Variants in EPHA5 observed in about 807,000 individuals in gnomAD.
EPHA5 encodes the protein EPH receptor A5.
Under a neutral mutation model 105.0 loss-of-function variants are expected in EPHA5, and 60 were observed. That is an observed-to-expected ratio of 0.57 (90% CI 0.46 to 0.71). The LOEUF is 0.71. Ranked by LOEUF, EPHA5 falls within the 30% of genes least tolerant of loss-of-function variation. The probability of loss-of-function intolerance (pLI) is 0.00; values close to 1 mark genes in which losing one functional copy is unlikely to be tolerated. For synonymous variants in EPHA5, 513 were observed against 449.1 expected (o/e 1.14, Z -1.80); for missense variants, 1,218 against 1,274.7 (o/e 0.96, Z 0.68).
rs529370416 is a variant in EPHA5, at chr4:65,376,909, T to C, written c.1794-9485A>G. 22 of 1,204,226 alleles carry C rather than the reference T, an allele frequency of 1.8e-5. No individual in the cohort carries two copies. In the South Asian group the frequency reaches 2.2e-4, roughly 12 times the overall value. The allele number at this position is 1,204,226 out of a possible 1,614,324, so 74.6% of individuals were successfully genotyped here. On this transcript the variant is annotated intron_variant, in intron 8 of 16. Coordinates refer to ENST00000613740, the MANE Select transcript of EPHA5 (RefSeq NM_001281766.3). ...GGGAGCCAGTTTTATTCTACTCAAA[T>C]GTACACAAATGGAGAAAGAAAAGGA...
At chr4:65,477,633 C>T (rs1054983006) in intron 5 of EPHA5, among the ~76,000 whole-genome samples, 2 of 151,932 alleles carry the variant, frequency 1.3e-5, no homozygotes, top group Non-Finnish European at 2.9e-5. Context: ...AGGATGGTCT[C>T]GATCTCTTGA....
At chr4:65,526,482 G>GTCT (rs1204253123) in intron 3 of EPHA5, among the ~76,000 whole-genome samples, 1 of 151,546 alleles carries the variant, frequency 6.6e-6, no homozygotes, top group East Asian at 1.9e-4. Context: ...TGATTTCATT[G>GTCT]AATTATCATG....
intron 5 of EPHA5, among the ~76,000 whole-genome samples, chr4:65,465,087 G>T (rs1023541515): frequency 1.3e-5 from 2 of 152,016 alleles, no homozygotes; most frequent in African/African-American, 2.4e-5. Flanking sequence ...ATCTATCTCA[G>T]ATTTAATTAT....
chr4:65,514,481 C>T lies in EPHA5; in HGVS notation c.911-18938G>A, dbSNP rs542009566. Among the ~76,000 whole-genome samples the T allele has an allele frequency of 3.9e-5, 6 of 152,246 alleles. No individual in the cohort carries two copies. In the South Asian group the frequency reaches 1.0e-3, roughly 26 times the overall value. The stretch of plus-strand genomic sequence containing the variant: ...TTACAGTCTACAGCCCCAGCTAAGG[C>T]CCCGACCAACAATTAGAATGAACCT... On this transcript the variant is annotated intron_variant, in intron 3 of 16. Transcript: ENST00000613740.
At chr4:65,352,674 T>C (rs1032612407) in intron 12 of EPHA5, among the ~76,000 whole-genome samples, 1 of 151,900 alleles carries the variant, frequency 6.6e-6, no homozygotes, top group African/African-American at 2.4e-5. Context: ...CTCTGCCTGA[T>C]ACACTAAGAG....
At chr4:65,579,682 A>T (rs1410548667) in intron 3 of EPHA5, among the ~76,000 whole-genome samples, 1 of 151,866 alleles carries the variant, frequency 6.6e-6, no homozygotes, top group Non-Finnish European at 1.5e-5. Context: ...TGAGTCTGTG[A>T]TTTAAAGATG....
At chr4:65,346,272 T>C (rs1722218727) in intron 14 of EPHA5, among the ~76,000 whole-genome samples, 1 of 152,048 alleles carries the variant, frequency 6.6e-6, no homozygotes, top group Non-Finnish European at 1.5e-5. Flanking sequence ...TTGTTTATAA[T>C]GCAGTATTGA....
At chr4:65,394,834 T>C (rs1485986884) in intron 8 of EPHA5, among the ~76,000 whole-genome samples, 2 of 152,150 alleles carry the variant, frequency 1.3e-5, no homozygotes, top group African/African-American at 4.8e-5. Context: ...TAATTAATGT[T>C]AGATAATGAT....
chr4:65,564,484 T>C (rs1739329844), intron 3 of EPHA5, among the ~76,000 whole-genome samples: 1 of 151,826 alleles, frequency 6.6e-6, no homozygotes, highest in African/African-American at 2.4e-5. Context: ...TTTTGCTTTC[T>C]AGTGACCTGG....
At chr4:65,446,268 A>G (rs1304477836) in intron 5 of EPHA5, among the ~76,000 whole-genome samples, 4 of 152,214 alleles carry the variant, frequency 2.6e-5, no homozygotes, top group African/African-American at 9.6e-5. Flanking sequence ...AACTTTATAT[A>G]ATGACTAGAA....
intron 2 of EPHA5, among the ~76,000 whole-genome samples, chr4:65,602,674 A>T (rs1743854412): frequency 6.6e-6 from 1 of 152,146 alleles, no homozygotes; most frequent in Non-Finnish European, 1.5e-5. Flanking sequence ...GTATATTTTG[A>T]ATAAAGTTCA....
At chr4:65,542,973 C>T (rs911573625) in intron 3 of EPHA5, among the ~76,000 whole-genome samples, 14 of 151,948 alleles carry the variant, frequency 9.2e-5, no homozygotes, top group African/African-American at 3.4e-4. Context: ...TACAAAACCA[C>T]ATGATTATCT....
At chr4:65,332,901 A>C (rs1007060148) in intron 15 of EPHA5, among the ~76,000 whole-genome samples, 1 of 152,048 alleles carries the variant, frequency 6.6e-6, no homozygotes, top group Non-Finnish European at 1.5e-5. Flanking sequence ...TTTATCTGGA[A>C]GTTAAGAAAC....
At chr4:65,491,496 C>G (rs1054341106) in intron 4 of EPHA5, among the ~76,000 whole-genome samples, 1 of 151,904 alleles carries the variant, frequency 6.6e-6, no homozygotes, top group African/African-American at 2.4e-5. Flanking sequence ...CTCTAATAAC[C>G]TACCAAAATA....
intron 3 of EPHA5, among the ~76,000 whole-genome samples, chr4:65,552,209 C>G (rs1442520394): frequency 6.6e-6 from 1 of 152,212 alleles, no homozygotes; most frequent in Non-Finnish European, 1.5e-5. Flanking sequence ...ATGTTTCCTA[C>G]TTCAGCATTG....
chr4:65,601,914 C>T lies in EPHA5; in HGVS notation c.637G>A (p.Ala213Thr), dbSNP rs1393291600. 1.9e-6 allele frequency: 3 copies of T among 1,614,144 alleles called. No homozygotes were observed. The highest frequency in any genetic ancestry group is 2.5e-6 in the Non-Finnish European group (3 of 1,180,010). The part of the protein sequence containing the change: ...GPLSKKGFYL[A>T]FQDVGACIAL... ...ATGCAAGCACCAACATCTTGAAAAG[C>T]AAGATAAAATCCCTTTTTGCTTAGA... Residue 213 changes from alanine to threonine, a missense_variant, in exon 3 of 17, where the codon GCT becomes ACT. Around this residue, in one of 3 missense-constraint regions of EPHA5, gnomAD observed 971 missense variants for 1,013.5 expected, o/e 0.96. Coordinates refer to ENST00000613740, the MANE Select transcript of EPHA5 (RefSeq NM_001281766.3).
In EPHA5 at chr4:65,367,383, T is replaced by C. The variant is rs2148896318; in HGVS notation, c.1835A>G (p.Glu612Gly). The change falls in exon 9 of 17, where the codon GAA (glutamate) becomes GGA (glycine). Residue 612 changes from glutamate to glycine, a missense_variant. This residue lies in a region of EPHA5 where 971 missense variants were observed against 1,013.5 expected (regional missense o/e 0.96). Coordinates refer to ENST00000613740, the MANE Select transcript of EPHA5 (RefSeq NM_001281766.3). Reference sequence around the variant, plus strand: ...GTGCCCATTATGAAAATGCATCTTTTCCTCTTCTGGATCTTGTTTTGCTTT... The same window carrying C: ...GTGCCCATTATGAAAATGCATCTTTCCCTCTTCTGGATCTTGTTTTGCTTT... ...YSKAKQDPEEEKMHFHNGHIK... is the reference protein window; with the variant it reads ...YSKAKQDPEEGKMHFHNGHIK... 6.2e-7 allele frequency: 1 copy of C among 1,612,214 alleles called. No individual in the cohort carries two copies. The highest frequency in any genetic ancestry group is 8.5e-7 in the Non-Finnish European group (1 of 1,179,286).
intron 8 of EPHA5, among the ~76,000 whole-genome samples, chr4:65,396,507 G>C (rs1721254769): frequency 1.3e-5 from 2 of 152,272 alleles, no homozygotes; most frequent in Middle Eastern, 3.4e-3. Context: ...TTCAGAGAAG[G>C]GGATGAGCCT....
intron 3 of EPHA5, among the ~76,000 whole-genome samples, chr4:65,576,040 A>AAGAAAGAG (rs1740912586): frequency 8.1e-6 from 1 of 123,552 alleles, no homozygotes; most frequent in East Asian, 2.3e-4. Context: ...GAAAGAAAGA[A>AAGAAAGAG]AGAAAGAAAG....
Sources: gnomAD v4.1 joint callset for allele counts (sites outside exome capture counted in the v4.1 genomes callset) on GRCh38, gnomAD v4.1.1 for gene constraint, gnomAD v4.1.1 regional missense constraint, MANE v1.5 for transcripts, NCBI Gene and HGNC (gene_info 2026-07-23, HGNC 2026-07-21) for gene names.